The following GALNT13 variants were observed in gnomAD, a reference collection of about 807,000 sequenced individuals.
The protein encoded by GALNT13 is polypeptide N-acetylgalactosaminyltransferase 13.
Under a neutral mutation model 64.2 loss-of-function variants are expected in GALNT13, and 28 were observed. That is an observed-to-expected ratio of 0.44 (90% CI 0.32 to 0.60). The LOEUF is 0.60. Among genes scored for constraint, GALNT13 ranks in the 20% least tolerant of loss-of-function variants. GALNT13 has a pLI of 0.05. For synonymous variants in GALNT13, 214 were observed against 224.6 expected (o/e 0.95, Z 0.42); for missense variants, 577 against 669.8 (o/e 0.86, Z 1.53).
chr2:153,336,144 A>T, the GALNT13 span, among the ~76,000 whole-genome samples: 1 of 152,194 alleles, frequency 6.6e-6, no homozygotes, highest in South Asian at 2.1e-4. Flanking sequence ...CAGGGGCGGG[A>T]TGCTCCTGGG....
chr2:153,537,054 TA>T, the GALNT13 span, among the ~76,000 whole-genome samples: 575 of 152,294 alleles, frequency 3.8e-3, 4 homozygotes, highest in Non-Finnish European at 5.6e-3. Context: ...AAAGGATTAG[TA>T]GGCTTTAGTA....
intron 4 of GALNT13, among the ~76,000 whole-genome samples, chr2:154,202,626 T>C (rs1385168080): frequency 6.6e-6 from 1 of 152,146 alleles, no homozygotes; most frequent in Non-Finnish European, 1.5e-5. Flanking sequence ...CCAAGCTTTC[T>C]TCACTATGAA....
intron 3 of GALNT13, among the ~76,000 whole-genome samples, chr2:154,031,566 C>T (rs1448505080): frequency 2.0e-5 from 3 of 151,762 alleles, no homozygotes; most frequent in Non-Finnish European, 4.4e-5. Flanking sequence ...TAGAGAAAGA[C>T]AGATTATGGA....
chr2:153,589,214 C>A, the GALNT13 span, among the ~76,000 whole-genome samples: 1 of 152,184 alleles, frequency 6.6e-6, no homozygotes. Context: ...TTCCACAAAT[C>A]TCGAGGGCAG....
rs60950180 is a variant in GALNT13, at chr2:154,014,635, C to CTTTTTTTTTTTTTTTTTTTTTTTTTT, written c.142+70011_142+70012insTTTTTTTTTTTTTTTTTTTTTTTTTT. ...ACTTTTTGTCTTTCTGATAATTCTC[C>CTTTTTTTTTTTTTTTTTTTTTTTTTT]TTTTTTTTTTTTTTTGAGACGGAGT... On this transcript the variant is annotated intron_variant, in intron 3 of 12. Coordinates refer to ENST00000392825, the MANE Select transcript of GALNT13 (RefSeq NM_052917.4). Among the ~76,000 whole-genome samples, 128 of 77,198 alleles carry CTTTTTTTTTTTTTTTTTTTTTTTTTT rather than the reference C, an allele frequency of 1.7e-3. 20 individuals carry two copies. The highest frequency in any genetic ancestry group is 2.4e-3 in the Non-Finnish European group (90 of 37,090). 50.6% of individuals were successfully genotyped at this position (77,198 alleles called of 152,430 possible).
At chr2:154,419,691 G>A (rs901249786) in intron 11 of GALNT13, among the ~76,000 whole-genome samples, 64 of 152,042 alleles carry the variant, frequency 4.2e-4, no homozygotes, top group Non-Finnish European at 6.0e-4. Flanking sequence ...AAACAGCTTC[G>A]TAAAAGTTCA....
At chr2:153,520,833 G>A in the GALNT13 span, among the ~76,000 whole-genome samples, 5 of 151,846 alleles carry the variant, frequency 3.3e-5, no homozygotes, top group African/African-American at 9.7e-5. Context: ...TTTCCTTTCC[G>A]TAGACAAAAG....
intron 4 of GALNT13, among the ~76,000 whole-genome samples, chr2:154,240,642 T>C (rs1689431539): frequency 6.6e-6 from 1 of 151,992 alleles, no homozygotes; most frequent in African/African-American, 2.4e-5. Context: ...CCCACAGCAG[T>C]GTTTAGGGCC....
intron 3 of GALNT13, among the ~76,000 whole-genome samples, chr2:153,999,510 A>G (rs1695754166): frequency 6.6e-6 from 1 of 151,898 alleles, no homozygotes; most frequent in Non-Finnish European, 1.5e-5. Flanking sequence ...TTCATTGAGA[A>G]TTTTTATTAT....
the GALNT13 span, among the ~76,000 whole-genome samples, chr2:153,650,326 C>A: frequency 6.6e-6 from 1 of 152,100 alleles, no homozygotes; most frequent in Non-Finnish European, 1.5e-5. Context: ...GGTAGATCTT[C>A]CTCCATCCTT....
At chr2:153,566,348 G>GTT in the GALNT13 span, among the ~76,000 whole-genome samples, 219 of 74,768 alleles carry the variant, frequency 2.9e-3, no homozygotes, top group East Asian at 4.1e-3. Context: ...TTCTAATCAC[G>GTT]TTTTTTTTTT....
the GALNT13 span, among the ~76,000 whole-genome samples, chr2:153,604,701 A>G: frequency 1.3e-5 from 2 of 152,010 alleles, no homozygotes; most frequent in Admixed American, 1.3e-4. Flanking sequence ...CATTCAGTGT[A>G]TATCATTGGT....
chr2:153,784,098 T>C, the GALNT13 span, among the ~76,000 whole-genome samples: 1 of 151,878 alleles, frequency 6.6e-6, no homozygotes, highest in African/African-American at 2.4e-5. Flanking sequence ...GGTAGGAAAA[T>C]GTGGGAAAGT....
the GALNT13 span, among the ~76,000 whole-genome samples, chr2:153,381,445 C>T: frequency 2.0e-5 from 3 of 151,722 alleles, no homozygotes; most frequent in South Asian, 2.1e-4. Flanking sequence ...TTCTTTTAAA[C>T]GATGTCATTA....
At chr2:153,887,621 G>A (rs187065135) in intron 1 of GALNT13, among the ~76,000 whole-genome samples, 1 of 152,008 alleles carries the variant, frequency 6.6e-6, no homozygotes, top group African/African-American at 2.4e-5. Flanking sequence ...GCTAAACAAT[G>A]ACCTACCACT....
At chr2:153,873,063 G>C (rs756095860) in intron 1 of GALNT13, among the ~76,000 whole-genome samples, 57 of 152,004 alleles carry the variant, frequency 3.7e-4, no homozygotes, top group Middle Eastern at 6.8e-3. Context: ...TCTGCTTCTC[G>C]CAGCTTATCT....
chr2:153,895,035 A>C (rs1333412284), intron 1 of GALNT13, among the ~76,000 whole-genome samples: 1 of 152,166 alleles, frequency 6.6e-6, no homozygotes, highest in Non-Finnish European at 1.5e-5. Context: ...ATAATACAAA[A>C]TGTGGAATCT....
At chr2:153,252,571 C>T in the GALNT13 span, among the ~76,000 whole-genome samples, 5 of 151,818 alleles carry the variant, frequency 3.3e-5, no homozygotes, top group Admixed American at 3.3e-4. Context: ...AATGGTATTG[C>T]CTAGGTTTTC....
chr2:154,317,100 C>G (rs907438832), intron 9 of GALNT13, among the ~76,000 whole-genome samples: 10 of 151,792 alleles, frequency 6.6e-5, no homozygotes, highest in African/African-American at 2.4e-4. Flanking sequence ...GTAGTCCCAG[C>G]TACTCAGGAG....
Sources: allele counts gnomAD v4.1 joint callset (sites outside exome capture counted in the v4.1 genomes callset), GRCh38; gene constraint gnomAD v4.1.1; transcripts MANE v1.5; gene names NCBI Gene and HGNC (gene_info 2026-07-23, HGNC 2026-07-21).